The following SH3RF3 variants were observed in gnomAD, a reference collection of about 807,000 sequenced individuals.
SH3RF3 encodes E3 ubiquitin-protein ligase SH3RF3.
A neutral mutation model predicts 66.3 loss-of-function variants in SH3RF3; 29 were observed. That is an observed-to-expected ratio of 0.44 (90% CI 0.33 to 0.60). The LOEUF is 0.60. Among genes scored for constraint, SH3RF3 ranks in the 20% least tolerant of loss-of-function variants. The probability of loss-of-function intolerance (pLI) is 0.04; values close to 1 mark genes in which losing one functional copy is unlikely to be tolerated. For missense variants in SH3RF3, 1,194 were observed against 1,190.9 expected (o/e 1.00, Z -0.04); for synonymous variants, 583 against 532.0 (o/e 1.10, Z -1.32).
rs577688153 is a variant in SH3RF3, at chr2:109,502,107, C to T, written c.*436C>T. 4.8e-5 allele frequency: 8 copies of T among 168,416 alleles called. No individual in the cohort carries two copies. In the East Asian group the frequency reaches 8.0e-4, roughly 17 times the overall value. The allele number at this position is 168,416 out of a possible 1,614,324, so 10.4% of individuals were successfully genotyped here. ...TCTTTCTGGGCTGCCCTGGGCTTCCCGCGGGGCCCAGGTTGCTCTGTCACC... is the reference window on the plus strand; with the variant it reads ...TCTTTCTGGGCTGCCCTGGGCTTCCTGCGGGGCCCAGGTTGCTCTGTCACC... On this transcript the variant is annotated 3_prime_UTR_variant, in exon 10 of 10. Coordinates refer to ENST00000309415, the MANE Select transcript of SH3RF3 (RefSeq NM_001099289.3).
chr2:109,485,286 G>C (rs1678940682), intron 8 of SH3RF3, among the ~76,000 whole-genome samples: 3 of 152,208 alleles, frequency 2.0e-5, no homozygotes, highest in African/African-American at 7.2e-5. Context: ...GAAGGTAACT[G>C]AATAAATGTG....
At chr2:109,416,886 CAG>C (rs1676737400) in intron 4 of SH3RF3, among the ~76,000 whole-genome samples, 1 of 140,422 alleles carries the variant, frequency 7.1e-6, no homozygotes, top group South Asian at 2.2e-4. Context: ...GCCTGGGCGA[CAG>C]AGTGAGACTT....
rs10646553 is a variant in SH3RF3 at position 109,249,519 on chromosome 2, T to TTCTTTCTTTCTTTC, written c.574-98154_574-98153insCTTTCTTTCTTTCT. ...TTTCTTTCTTTCTTTCATTCTTTCT[T>TTCTTTCTTTCTTTC]TTTCTTTCTTTCTTTCCTTCCTTCC... On this transcript the variant is annotated intron_variant, in intron 1 of 9. Transcript: ENST00000309415. Among the ~76,000 whole-genome samples, 146 of 61,882 alleles carry TTCTTTCTTTCTTTC rather than the reference T, an allele frequency of 2.4e-3. 8 individuals carry two copies. The highest frequency in any genetic ancestry group is 5.2e-3 in the Admixed American group (30 of 5,802). 40.6% of individuals were successfully genotyped at this position (61,882 alleles called of 152,430 possible). A position where few individuals can be genotyped will look rare whatever the true frequency, so the allele number is the denominator to read the frequency against.
intron 1 of SH3RF3, among the ~76,000 whole-genome samples, chr2:109,193,209 G>A (rs1678412862): frequency 6.6e-6 from 1 of 152,226 alleles, no homozygotes; most frequent in South Asian, 2.1e-4. Flanking sequence ...TGCCCTTCCT[G>A]GGAAGATCAG....
At chr2:109,190,890 A>G (rs974546936) in intron 1 of SH3RF3, among the ~76,000 whole-genome samples, 2 of 151,734 alleles carry the variant, frequency 1.3e-5, no homozygotes, top group African/African-American at 2.4e-5. Context: ...CTACCTAATC[A>G]GAAAATATGA....
At chr2:109,188,612 T>C (rs1366507861) in intron 1 of SH3RF3, among the ~76,000 whole-genome samples, 1 of 152,208 alleles carries the variant, frequency 6.6e-6, no homozygotes, top group East Asian at 1.9e-4. Context: ...GCAGTTTGCC[T>C]ATGGTGAGGG....
chr2:109,501,419 T>C (rs1679381515), intron 9 of SH3RF3, 84 bp from the exon 10 acceptor site: 2 of 639,130 alleles, frequency 3.1e-6, no homozygotes, highest in Non-Finnish European at 5.9e-6. Flanking sequence ...ATAACAATAA[T>C]TTACACCGAG....
intron 1 of SH3RF3, among the ~76,000 whole-genome samples, chr2:109,287,705 C>G (rs1681061958): frequency 6.6e-6 from 1 of 152,170 alleles, no homozygotes; most frequent in Non-Finnish European, 1.5e-5. Context: ...GGCCTCAGAT[C>G]TCATCAGAGG....
intron 1 of SH3RF3, among the ~76,000 whole-genome samples, chr2:109,132,632 T>C (rs978844764): frequency 2.6e-5 from 4 of 152,232 alleles, no homozygotes; most frequent in South Asian, 4.1e-4. Flanking sequence ...AAATACTATA[T>C]GTGTGTTGCT....
At chr2:109,285,587 A>G (rs1056147493) in intron 1 of SH3RF3, among the ~76,000 whole-genome samples, 1 of 152,120 alleles carries the variant, frequency 6.6e-6, no homozygotes, top group African/African-American at 2.4e-5. Flanking sequence ...TGTTCTGGCC[A>G]CGGTCAAGCC....
intron 8 of SH3RF3, among the ~76,000 whole-genome samples, chr2:109,485,471 T>C (rs1009513682): frequency 2.0e-5 from 3 of 152,242 alleles, no homozygotes; most frequent in African/African-American, 7.2e-5. Context: ...AATTTAAGCT[T>C]TCAATTGCTT....
chr2:109,217,084 T>C (rs7355687), intron 1 of SH3RF3, among the ~76,000 whole-genome samples: 112,411 of 152,202 alleles, frequency 0.74, 42,079 homozygotes, highest in East Asian at 0.89. Context: ...CTAGGCTCAT[T>C]CATGCTGCAG....
chr2:109,261,465 C>T (rs1181662720), intron 1 of SH3RF3, among the ~76,000 whole-genome samples: 1 of 152,146 alleles, frequency 6.6e-6, no homozygotes, highest in Admixed American at 6.5e-5. Context: ...TGCTTCTTGG[C>T]TTTGGAGGTG....
At chr2:109,374,641 G>A (rs566596986) in intron 3 of SH3RF3, among the ~76,000 whole-genome samples, 6 of 152,318 alleles carry the variant, frequency 3.9e-5, no homozygotes, top group South Asian at 2.1e-4. Flanking sequence ...GTCCCCTGGT[G>A]CAAGAAGGAA....
chr2:109,397,893 A>T (rs1195056053), intron 3 of SH3RF3, among the ~76,000 whole-genome samples: 1 of 152,226 alleles, frequency 6.6e-6, no homozygotes, highest in African/African-American at 2.4e-5. Context: ...TTCACTGCGC[A>T]CAACGCCTGC....
chr2:109,216,902 G>A (rs756940288), intron 1 of SH3RF3, among the ~76,000 whole-genome samples: 25 of 152,084 alleles, frequency 1.6e-4, no homozygotes, highest in Non-Finnish European at 7.4e-5. Flanking sequence ...AACTCTTTTC[G>A]TCTTCCCAAA....
In SH3RF3 at chr2:109,502,460, C is replaced by T. The variant is rs1187463975; in HGVS notation, c.*789C>T. 1 of 152,132 alleles carries T rather than the reference C, an allele frequency of 6.6e-6. No individual in the cohort carries two copies. Among genetic ancestry groups the T allele is most frequent in the East Asian group, 1.9e-4 (1 of 5,198 alleles). The allele number at this position is 152,132 out of a possible 1,614,324, so 9.4% of individuals were successfully genotyped here. On this transcript the variant is annotated 3_prime_UTR_variant, in exon 10 of 10. Transcript: ENST00000309415. ...TGGTTGAGCTTGAAAGAAAAGATGT[C>T]TGAGGCGACATCAAAGGGGCAGAAT...
At chr2:109,291,100 A>C (rs1003734795) in intron 1 of SH3RF3, among the ~76,000 whole-genome samples, 1 of 152,202 alleles carries the variant, frequency 6.6e-6, no homozygotes, top group Non-Finnish European at 1.5e-5. Context: ...AAAGGTGTCC[A>C]GAACCAGTCA....
chr2:109,131,082 C>T (rs1017474265), intron 1 of SH3RF3, among the ~76,000 whole-genome samples: 2 of 152,152 alleles, frequency 1.3e-5, no homozygotes, highest in Non-Finnish European at 1.5e-5. Context: ...TACTTTTGAC[C>T]ATTTAAGGAG....
Sources: allele counts gnomAD v4.1 joint callset (sites outside exome capture counted in the v4.1 genomes callset), GRCh38; gene constraint gnomAD v4.1.1; transcripts MANE v1.5; gene names NCBI Gene and HGNC (gene_info 2026-07-23, HGNC 2026-07-21).